The following GALNT13 variants were observed in gnomAD, a reference collection of about 807,000 sequenced individuals.
GALNT13 encodes polypeptide N-acetylgalactosaminyltransferase 13, also known as UDP-GalNAc:polypeptide N-acetylgalactosaminyltransferase 13.
A neutral mutation model predicts 64.2 loss-of-function variants in GALNT13; 28 were observed. The observed-to-expected ratio is 0.44, with a 90% CI of 0.32 to 0.60. The LOEUF (loss-of-function observed/expected upper bound fraction) is 0.60, where lower values mean the gene tolerates loss of function less well. Among genes scored for constraint, GALNT13 ranks in the 20% least tolerant of loss-of-function variants. The pLI is 0.05. For missense variants in GALNT13, 577 were observed against 669.8 expected (o/e 0.86, Z 1.53); for synonymous variants, 214 against 224.6 (o/e 0.95, Z 0.42).
Position 153,994,404 on chromosome 2 carries a change from C to T in GALNT13, c.142+49765C>T, listed in dbSNP as rs923196230. ...GTGTGCACATCTTCTTATAGCAGCA[C>T]GATTTATAATCCTTTGGGTGTATAC... On this transcript the variant is annotated intron_variant, in intron 3 of 12. Coordinates refer to ENST00000392825, the MANE Select transcript of GALNT13 (RefSeq NM_052917.4). Among the ~76,000 whole-genome samples, 5 of 152,240 alleles carry T rather than the reference C, an allele frequency of 3.3e-5. No individual in the cohort carries two copies. The East Asian group carries it at 5.8e-4, about 18-fold the overall frequency.
chr2:153,401,104 C>T, the GALNT13 span, among the ~76,000 whole-genome samples: 4 of 151,964 alleles, frequency 2.6e-5, no homozygotes, highest in East Asian at 7.8e-4. Context: ...TGAATGTGTC[C>T]CAGAGATTCT....
chr2:154,418,229 C>T (rs769337392), intron 11 of GALNT13, among the ~76,000 whole-genome samples: 1 of 152,118 alleles, frequency 6.6e-6, no homozygotes, highest in Non-Finnish European at 1.5e-5. Context: ...AAATCATCTT[C>T]CTGGAGGATG....
the GALNT13 span, among the ~76,000 whole-genome samples, chr2:153,830,189 G>A: frequency 6.6e-6 from 1 of 151,964 alleles, no homozygotes; most frequent in Non-Finnish European, 1.5e-5. Flanking sequence ...TTTGTCAGAT[G>A]TATATTTTTA....
chr2:153,575,018 C>A, the GALNT13 span, among the ~76,000 whole-genome samples: 2 of 152,114 alleles, frequency 1.3e-5, no homozygotes, highest in African/African-American at 2.4e-5. Context: ...CTTGGGAAAG[C>A]TTTTCAGATA....
At chr2:153,558,863 G>T in the GALNT13 span, among the ~76,000 whole-genome samples, 55,188 of 152,060 alleles carry the variant, frequency 0.36, 11,195 homozygotes, top group African/African-American at 0.55. Context: ...AAAAATGCTG[G>T]TTTGTGGACA....
chr2:154,345,655 A>T (rs1696029885), intron 9 of GALNT13, among the ~76,000 whole-genome samples: 1 of 152,094 alleles, frequency 6.6e-6, no homozygotes. Flanking sequence ...AGACCCACTG[A>T]GGAATGTTTG....
At chr2:153,670,679 A>G in the GALNT13 span, among the ~76,000 whole-genome samples, 2 of 152,214 alleles carry the variant, frequency 1.3e-5, no homozygotes, top group African/African-American at 4.8e-5. Context: ...CAGCAAAAGG[A>G]TGAAACTGGA....
At chr2:153,183,668 G>A in the GALNT13 span, among the ~76,000 whole-genome samples, 3 of 152,168 alleles carry the variant, frequency 2.0e-5, no homozygotes, top group African/African-American at 7.2e-5. Flanking sequence ...AAGTGGTCCA[G>A]TTTCAGTTTT....
In GALNT13 at chr2:154,264,758, A is replaced by G. The variant is rs560574876; in HGVS notation, c.975+5620A>G. The stretch of plus-strand genomic sequence containing the variant: ...GTAGTGACACTAAAGCAAACTTAGG[A>G]ATTATTTATAGCACTAAATGTCTAT... On this transcript the variant is annotated intron_variant, in intron 8 of 12. Transcript: ENST00000392825. Among the ~76,000 whole-genome samples, 304 of 149,776 alleles carry G rather than the reference A, an allele frequency of 2.0e-3. 2 individuals carry two copies. The highest frequency in any genetic ancestry group is 3.9e-3 in the Admixed American group (57 of 14,804).
the GALNT13 span, among the ~76,000 whole-genome samples, chr2:153,694,464 T>C: frequency 1.3e-5 from 2 of 152,176 alleles, no homozygotes; most frequent in Admixed American, 6.5e-5. Flanking sequence ...CATAATAACA[T>C]AGATAAATCT....
At chr2:153,132,411 C>G in the GALNT13 span, among the ~76,000 whole-genome samples, 216 of 152,068 alleles carry the variant, frequency 1.4e-3, no homozygotes, top group Non-Finnish European at 2.4e-3. Flanking sequence ...TTAAAGTGAC[C>G]CTAGGACTTT....
chr2:153,248,834 A>C, the GALNT13 span, among the ~76,000 whole-genome samples: 1 of 48,874 alleles, frequency 2.0e-5, no homozygotes, highest in African/African-American at 1.4e-4. Flanking sequence ...AAAAAGAAAA[A>C]AAAGAAAAAA....
At chr2:153,318,578 AGAAT>A in the GALNT13 span, among the ~76,000 whole-genome samples, 4,682 of 152,330 alleles carry the variant, frequency 0.031, 134 homozygotes, top group Non-Finnish European at 0.046. Context: ...GTTAAGAGAC[AGAAT>A]GAATGAAATT....
intron 2 of GALNT13, among the ~76,000 whole-genome samples, chr2:153,901,413 G>A (rs13410945): frequency 0.24 from 37,177 of 152,058 alleles, 4,836 homozygotes; most frequent in Non-Finnish European, 0.28. Flanking sequence ...TGCTTTGGAC[G>A]TCATGACCAT....
the GALNT13 span, among the ~76,000 whole-genome samples, chr2:153,573,246 T>C: frequency 4.3e-3 from 649 of 152,126 alleles, 8 homozygotes; most frequent in African/African-American, 0.015. Context: ...ATTTGTCTTA[T>C]ATAAGTATAG....
chr2:153,341,622 G>T, the GALNT13 span, among the ~76,000 whole-genome samples: 1 of 152,130 alleles, frequency 6.6e-6, no homozygotes, highest in Admixed American at 6.5e-5. Flanking sequence ...AAAATTGAAC[G>T]CTCTCAATAA....
chr2:154,441,827 A>G (rs1460293224), intron 12 of GALNT13: 3 of 152,122 alleles, frequency 2.0e-5, no homozygotes, highest in Non-Finnish European at 4.4e-5. Flanking sequence ...GTGGGGGAAA[A>G]GAGAAGGAAT....
At chr2:154,234,072 G>A (rs1206876789) in intron 4 of GALNT13, among the ~76,000 whole-genome samples, 5 of 151,944 alleles carry the variant, frequency 3.3e-5, no homozygotes, top group Non-Finnish European at 7.4e-5. Context: ...TGGACAAACA[G>A]GTAAAGCTTC....
At chr2:153,193,590 G>T in the GALNT13 span, among the ~76,000 whole-genome samples, 4 of 151,178 alleles carry the variant, frequency 2.6e-5, no homozygotes, top group Admixed American at 2.6e-4. Flanking sequence ...AAAACTTAAA[G>T]TATAATAAAA....
Sources: gnomAD v4.1 joint callset for allele counts (sites outside exome capture counted in the v4.1 genomes callset) on GRCh38, gnomAD v4.1.1 for gene constraint, MANE v1.5 for transcripts, NCBI Gene and HGNC (gene_info 2026-07-23, HGNC 2026-07-21) for gene names.